Variants in SNX30 observed in about 807,000 individuals in gnomAD.
The protein encoded by SNX30 is sorting nexin-30.
In SNX30, 24 loss-of-function variants were observed where a neutral mutation model predicts 46.4. That is an observed-to-expected ratio of 0.52 (90% CI 0.37 to 0.73). The LOEUF (loss-of-function observed/expected upper bound fraction) is 0.73, where lower values mean the gene tolerates loss of function less well. SNX30 is among the 30% of genes least tolerant of loss of function. SNX30 has a pLI of 0.00. For missense variants in SNX30, 533 were observed against 555.7 expected (o/e 0.96, Z 0.41); for synonymous variants, 189 against 211.5 (o/e 0.89, Z 0.92).
At chr9:112,884,229 C>G (rs563569743), downstream of SNX30, among the ~76,000 whole-genome samples, 179 of 152,352 alleles carry the variant, frequency 1.2e-3, no homozygotes, top group African/African-American at 4.1e-3. Context: ...GCTGGGATCT[C>G]TCCTGGCATC....
intron 1 of SNX30, among the ~76,000 whole-genome samples, chr9:112,777,394 G>A (rs549212875): frequency 3.3e-5 from 5 of 151,636 alleles, no homozygotes; most frequent in South Asian, 2.1e-4. Flanking sequence ...TAGTTTGTTC[G>A]TCTTCCATAT....
chr9:112,831,826 T>G (rs1339534131), intron 4 of SNX30, among the ~76,000 whole-genome samples: 2 of 152,230 alleles, frequency 1.3e-5, no homozygotes, highest in Non-Finnish European at 2.9e-5. Context: ...CCTGAGGTGC[T>G]GTGCTCTCGC....
intron 8 of SNX30, among the ~76,000 whole-genome samples, chr9:112,865,827 G>T (rs1342381365): frequency 6.6e-6 from 1 of 151,274 alleles, no homozygotes; most frequent in East Asian, 2.0e-4. Context: ...ACCCAGGTTG[G>T]AGTGCAGTAG....
At chr9:112,786,117 CTT>C (rs140987500) in intron 1 of SNX30, among the ~76,000 whole-genome samples, 94,370 of 130,184 alleles carry the variant, frequency 0.72, 33,755 homozygotes, top group South Asian at 0.83. Context: ...AGGAGCTGTC[CTT>C]TTTTTTTTTT....
At chr9:112,850,012 G>A (rs781737770) in intron 6 of SNX30, among the ~76,000 whole-genome samples, 2 of 152,228 alleles carry the variant, frequency 1.3e-5, no homozygotes, top group Non-Finnish European at 2.9e-5. Context: ...TGGGTTCATA[G>A]CAGCAGAGCT....
intron 1 of SNX30, among the ~76,000 whole-genome samples, chr9:112,793,514 C>T (rs1390516108): frequency 6.6e-6 from 1 of 152,218 alleles, no homozygotes; most frequent in Admixed American, 6.5e-5. Context: ...TGCCCCACTG[C>T]CAAACCTTCC....
At chr9:112,885,218 T>C (rs1209058412), downstream of SNX30, 1 of 152,088 alleles carries the variant, frequency 6.6e-6, no homozygotes, top group East Asian at 1.9e-4. Context: ...CAACTTTCCA[T>C]TCAGGCCGAG....
intron 1 of SNX30, among the ~76,000 whole-genome samples, chr9:112,797,844 G>T (rs868451285): frequency 1.4e-5 from 2 of 147,374 alleles, no homozygotes; most frequent in African/African-American, 2.5e-5. Flanking sequence ...CCGAGTAGGC[G>T]CACGCCACCG....
In SNX30 at chr9:112,864,367, A is replaced by G; in HGVS notation, c.1222A>G (p.Met408Val). The G allele has an allele frequency of 6.2e-7, 1 of 1,614,224 alleles. No homozygotes were observed. The highest frequency in any genetic ancestry group is 8.5e-7 in the Non-Finnish European group (1 of 1,180,042). ...GGACTTCCGGCAGCTACTCATGGGG[A>G]TGGCTGACAAGAACATCCAGTATTA... ...RQDFRQLLMG[M>V]ADKNIQYYEK... Residue 408 changes from methionine to valine, a missense_variant, in exon 8 of 9, where the codon ATG (methionine) becomes GTG (valine). Physicochemically the swap from Met to Val is conservative, Grantham distance 21. Around this residue, in one of 3 missense-constraint regions of SNX30, gnomAD observed 261 missense variants for 270.9 expected, o/e 0.96. Transcript: ENST00000374232.
At chr9:112,763,591 C>G (rs1839479577) in intron 1 of SNX30, among the ~76,000 whole-genome samples, 1 of 151,642 alleles carries the variant, frequency 6.6e-6, no homozygotes, top group African/African-American at 2.4e-5. Context: ...TGGCTCATGC[C>G]TGTAATCCCA....
rs548226030 is a variant in SNX30, at chr9:112,816,498, A to G, written c.349-1207A>G. 1.8e-4 allele frequency among the ~76,000 whole-genome samples: 28 copies of G among 152,334 alleles called. 1 individual carries two copies. In the South Asian group the frequency reaches 5.4e-3, roughly 29 times the overall value. ...CAAACACAGAGGAAGGTCGTGTTTC[A>G]TAGGCATATGCTGGTGTGTGGGACT... On this transcript the variant is annotated intron_variant, in intron 2 of 8. Transcript: ENST00000374232.
intron 1 of SNX30, among the ~76,000 whole-genome samples, chr9:112,767,520 T>A (rs562380630): frequency 6.6e-6 from 1 of 152,190 alleles, no homozygotes. Context: ...TTTTCCCCTA[T>A]GTTTTTTTTC....
chr9:112,827,479 A>G (rs575492055), intron 3 of SNX30, among the ~76,000 whole-genome samples: 11 of 152,344 alleles, frequency 7.2e-5, no homozygotes, highest in African/African-American at 2.4e-4. Flanking sequence ...AGCTCTTTCA[A>G]GTTGAGGGCA....
intron 3 of SNX30, among the ~76,000 whole-genome samples, chr9:112,821,347 TA>T (rs1467097214): frequency 6.6e-6 from 1 of 152,216 alleles, no homozygotes; most frequent in African/African-American, 2.4e-5. Context: ...ATTGCCCATT[TA>T]AAAATTGGGG....
chr9:112,779,450 A>C (rs1489623990), intron 1 of SNX30, among the ~76,000 whole-genome samples: 1 of 152,130 alleles, frequency 6.6e-6, no homozygotes, highest in East Asian at 1.9e-4. Context: ...TAATCCCAGC[A>C]CTTTGGGAGG....
At chr9:112,763,647 G>A (rs1021347819) in intron 1 of SNX30, among the ~76,000 whole-genome samples, 3 of 151,800 alleles carry the variant, frequency 2.0e-5, no homozygotes, top group African/African-American at 7.3e-5. Flanking sequence ...TCAGGAGATC[G>A]AGACCATCCT....
At chr9:112,804,099 C>T (rs1163247455) in intron 1 of SNX30, among the ~76,000 whole-genome samples, 2 of 150,916 alleles carry the variant, frequency 1.3e-5, no homozygotes, top group African/African-American at 4.9e-5. Flanking sequence ...CCGTCTTCTG[C>T]GTCGCTCACG....
rs185022797 is a variant in SNX30, at chr9:112,815,641, G to A, written c.349-2064G>A. 3.0e-3 allele frequency among the ~76,000 whole-genome samples: 461 copies of A among 152,288 alleles called. 1 individual carries two copies. The highest frequency in any genetic ancestry group is 6.8e-3 in the Middle Eastern group (2 of 294). On this transcript the variant is annotated intron_variant, in intron 2 of 8. Coordinates refer to ENST00000374232, the MANE Select transcript of SNX30 (RefSeq NM_001012994.2). ...CTCCCAAAGTGCTGGGATTACAGGT[G>A]TGAGCCACTGCGCCCAGCCAATAAT...
rs1564301433 is a variant in SNX30, at chr9:112,874,668, G to C, written c.*5825G>C. 1 of 152,192 alleles carries C rather than the reference G, an allele frequency of 6.6e-6. No homozygotes were observed. The highest frequency in any genetic ancestry group is 1.5e-5 in the Non-Finnish European group (1 of 68,028). 9.4% of individuals were successfully genotyped at this position (152,192 alleles called of 1,614,324 possible). The stretch of plus-strand genomic sequence containing the variant: ...TTGATAAGAAAGTGATTTATTTACA[G>C]ATGGAAGTCTTTGTTTCATGAAGCT... On this transcript the variant is annotated 3_prime_UTR_variant, in exon 9 of 9. Transcript: ENST00000374232.
Sources: gnomAD v4.1 joint callset for allele counts (sites outside exome capture counted in the v4.1 genomes callset) on GRCh38, gnomAD v4.1.1 for gene constraint, gnomAD v4.1.1 regional missense constraint, MANE v1.5 for transcripts, NCBI Gene and HGNC (gene_info 2026-07-23, HGNC 2026-07-21) for gene names.